HCN4: variants seen among roughly 807,000 people sequenced by gnomAD.
The protein encoded by HCN4 is hyperpolarization activated cyclic nucleotide gated potassium channel 4, also known as potassium/sodium hyperpolarization-activated cyclic nucleotide-gated channel 4.
Under a neutral mutation model 76.9 loss-of-function variants are expected in HCN4, and 29 were observed. That is an observed-to-expected ratio of 0.38 (90% confidence interval 0.28 to 0.51). The LOEUF is 0.51. Ranked by LOEUF, HCN4 falls within the 20% of genes least tolerant of loss-of-function variation. The pLI, the probability that HCN4 is intolerant of heterozygous loss-of-function variation, is 0.90. For synonymous variants in HCN4, 772 were observed against 762.5 expected (o/e 1.01, Z -0.21); for missense variants, 1,416 against 1,715.2 (o/e 0.83, Z 3.08).
intron 1 of HCN4, among the ~76,000 whole-genome samples, chr15:73,364,478 C>T (rs1003803329): frequency 6.6e-6 from 1 of 152,228 alleles, no homozygotes; most frequent in African/African-American, 2.4e-5. Context: ...CTCCAGGACA[C>T]AGCTTGTGTG....
chr15:73,356,377 T>TC (rs1461148225), intron 1 of HCN4, among the ~76,000 whole-genome samples: 12 of 142,952 alleles, frequency 8.4e-5, no homozygotes, highest in African/African-American at 3.1e-4. Flanking sequence ...TTCTTTTCTT[T>TC]TTTTTTTTTT....
intron 2 of HCN4, among the ~76,000 whole-genome samples, chr15:73,334,269 A>G (rs947117163): frequency 1.3e-5 from 2 of 152,012 alleles, no homozygotes; most frequent in Non-Finnish European, 2.9e-5. Flanking sequence ...GGCCCTGGAG[A>G]GCAGGCCGGT....
Position 73,343,916 on chromosome 15 carries a change from G to A in HCN4, c.786-108C>T, listed in dbSNP as rs568237012. ...ATCTGGGACAGAGAAGTCTTGGGAG[G>A]TTCTGAGACAGGAAGACAGGCACAT... On this transcript the variant is annotated intron_variant, in intron 1 of 7. Transcript: ENST00000261917. The surrounding 1 kb of genome is among the most constrained non-coding windows in gnomAD (Gnocchi z 5.7). 8 of 1,206,094 alleles carry A rather than the reference G, an allele frequency of 6.6e-6. No homozygotes were observed. The African/African-American group carries it at 1.2e-4, about 18-fold the overall frequency. The allele number at this position is 1,206,094 out of a possible 1,614,324, so 74.7% of individuals were successfully genotyped here.
rs140354126 is a variant in HCN4, at chr15:73,323,912, G to A, written c.2181C>T (p.His727=). The A allele has an allele frequency of 3.0e-4, 479 of 1,603,958 alleles. 1 individual carries two copies. The highest frequency in any genetic ancestry group is 5.2e-4 in the African/African-American group (39 of 75,044). Reference sequence around the variant, plus strand: ...AGTTGAAGACGCCGGAGTTGAGGTCGTGCTGGACTTTGTGGAGGAGGATGG... The same window carrying A: ...AGTTGAAGACGCCGGAGTTGAGGTCATGCTGGACTTTGTGGAGGAGGATGG... The part of the protein sequence containing the change: ...KNSILLHKVQ[H]DLNSGVFNYQ... The change falls in exon 8 of 8, where the codon CAC becomes CAT. Residue 727 remains histidine, a synonymous_variant. Coordinates refer to ENST00000261917, the MANE Select transcript of HCN4 (RefSeq NM_005477.3).
intron 1 of HCN4, among the ~76,000 whole-genome samples, chr15:73,352,416 G>A (rs1019449999): frequency 2.0e-5 from 3 of 152,156 alleles, no homozygotes; most frequent in Non-Finnish European, 2.9e-5. Flanking sequence ...AACAGCCCTC[G>A]GCAGGTGGTC....
intron 1 of HCN4, among the ~76,000 whole-genome samples, chr15:73,362,762 A>G (rs1276609045): frequency 6.6e-6 from 1 of 152,218 alleles, no homozygotes; most frequent in Non-Finnish European, 1.5e-5. Flanking sequence ...CGAAGCTCAC[A>G]GCAGCTAAGG....
intron 1 of HCN4, among the ~76,000 whole-genome samples, chr15:73,349,656 C>G (rs186749405): frequency 6.6e-6 from 1 of 152,284 alleles, no homozygotes; most frequent in African/African-American, 2.4e-5. Context: ...ACTGCCTCCC[C>G]GCTTAAGTGA....
chr15:73,324,135 C>T lies in HCN4; in HGVS notation c.2097G>A (p.Met699Ile). 1.2e-6 allele frequency: 2 copies of T among 1,613,970 alleles called. No individual in the cohort carries two copies. The highest frequency in any genetic ancestry group is 1.7e-6 in the Non-Finnish European group (2 of 1,179,998). The change falls in exon 7 of 8, where the codon ATG becomes ATA. Residue 699 changes from methionine to isoleucine, a missense_variant. Physicochemically the swap from Met to Ile is conservative, Grantham distance 10. Coordinates refer to ENST00000261917, the MANE Select transcript of HCN4 (RefSeq NM_005477.3). The stretch of plus-strand genomic sequence containing the variant: ...GCGCCACGGTCTCGAAGGCCCTTCG[C>T]ATCATGGGGTACTCCTCCAGCACCT... ...FNEVLEEYPM[M>I]RRAFETVALD...
At chr15:73,345,513 C>T (rs1218501422) in intron 1 of HCN4, among the ~76,000 whole-genome samples, 1 of 152,166 alleles carries the variant, frequency 6.6e-6, no homozygotes, top group Non-Finnish European at 1.5e-5. Context: ...CAGCTTCACA[C>T]TTTACTACAA....
At chr15:73,330,187 C>T (rs1428042119) in intron 3 of HCN4, among the ~76,000 whole-genome samples, 1 of 152,250 alleles carries the variant, frequency 6.6e-6, no homozygotes, top group African/African-American at 2.4e-5. Flanking sequence ...AAGCCCATTT[C>T]CCCACTGACC....
At chr15:73,341,069 GGT>G (rs76504723) in intron 2 of HCN4, 45,835 of 145,670 alleles carry the variant, frequency 0.31, 7,402 homozygotes, top group South Asian at 0.42. Flanking sequence ...GAGGGAGGTA[GGT>G]GTGTGTGTGT....
intron 1 of HCN4, among the ~76,000 whole-genome samples, chr15:73,350,133 A>G (rs2043047958): frequency 6.6e-6 from 1 of 152,066 alleles, no homozygotes. Flanking sequence ...CCTGTTTTTC[A>G]GAGTCCTGGG....
intron 3 of HCN4, 106 bp from the exon 4 acceptor site, chr15:73,329,897 G>T: frequency 1.1e-6 from 1 of 932,918 alleles, no homozygotes; most frequent in Non-Finnish European, 1.7e-6. Context: ...TTTCTCAGTG[G>T]CTGGGCCCAG....
At chr15:73,344,296 G>C (rs1018808546) in intron 1 of HCN4, among the ~76,000 whole-genome samples, 25 of 152,178 alleles carry the variant, frequency 1.6e-4, no homozygotes, top group Admixed American at 1.3e-3. Flanking sequence ...CATGACTCAG[G>C]TGCCTGGAAG....
intron 1 of HCN4, among the ~76,000 whole-genome samples, chr15:73,363,059 A>T (rs1470577803): frequency 6.6e-6 from 1 of 152,190 alleles, no homozygotes; most frequent in Admixed American, 6.5e-5. Context: ...AGCACAGCCC[A>T]GGCAGCTCAC....
intron 1 of HCN4, among the ~76,000 whole-genome samples, chr15:73,362,426 G>A (rs924306443): frequency 3.9e-5 from 6 of 152,342 alleles, no homozygotes; most frequent in East Asian, 1.9e-4. Context: ...ATCTTTGGGC[G>A]CTTAATGAGA....
In HCN4 at chr15:73,323,255, G is replaced by A. The variant is rs552881314; in HGVS notation, c.2838C>T (p.Pro946=). The A allele has an allele frequency of 8.7e-5, 132 of 1,522,554 alleles. No homozygotes were observed. In the East Asian group the frequency reaches 1.3e-3, roughly 15 times the overall value. 94.3% of individuals were successfully genotyped at this position (1,522,554 alleles called of 1,614,324 possible). A position where few individuals can be genotyped will look rare whatever the true frequency, so the allele number is the denominator to read the frequency against. Residue 946 remains proline (P), a synonymous_variant, in exon 8 of 8, where the codon CCC becomes CCT. Transcript: ENST00000261917. ...GGAGTCCCAGGCCTCCCCGGGCCCCGGGTGGCGCGGGAGATGGCTGGGCAG... is the reference window on the plus strand; with the variant it reads ...GGAGTCCCAGGCCTCCCCGGGCCCCAGGTGGCGCGGGAGATGGCTGGGCAG... ...PQAAQPSPAP[P]GARGGLGLPE...
At chr15:73,350,903 G>A (rs780155160) in intron 1 of HCN4, among the ~76,000 whole-genome samples, 105 of 152,038 alleles carry the variant, frequency 6.9e-4, no homozygotes, top group Non-Finnish European at 7.1e-4. Flanking sequence ...CTCCTTGAAG[G>A]AGGTGTCACC....
intron 1 of HCN4, among the ~76,000 whole-genome samples, chr15:73,364,853 C>T (rs539650064): frequency 6.6e-6 from 1 of 152,330 alleles, no homozygotes; most frequent in Admixed American, 6.5e-5. Flanking sequence ...CTTCCTCCCC[C>T]AGCAATGGGA....
Sources: gnomAD v4.1 joint callset for allele counts (sites outside exome capture counted in the v4.1 genomes callset) on GRCh38, gnomAD v4.1.1 for gene constraint, Gnocchi (gnomAD v3.1) non-coding constraint, MANE v1.5 for transcripts, NCBI Gene and HGNC (gene_info 2026-07-23, HGNC 2026-07-21) for gene names.